Variants in BNC1 observed in about 807,000 individuals in gnomAD.
BNC1 encodes the protein basonuclin zinc finger protein 1, also known as zinc finger protein basonuclin-1.
A neutral mutation model predicts 66.5 loss-of-function variants in BNC1; 8 were observed. That is an observed-to-expected ratio of 0.12 (90% CI 0.07 to 0.22). The LOEUF (loss-of-function observed/expected upper bound fraction) is 0.22, where lower values mean the gene tolerates loss of function less well. BNC1 is among the 10% of genes least tolerant of loss of function. The pLI is 1.00. For synonymous variants in BNC1, 454 were observed against 452.6 expected (o/e 1.00, Z -0.04); for missense variants, 1,069 against 1,241.3 (o/e 0.86, Z 2.09).
At chr15:83,261,507 A>G (rs919740438) in intron 4 of BNC1, among the ~76,000 whole-genome samples, 4 of 152,236 alleles carry the variant, frequency 2.6e-5, no homozygotes, top group African/African-American at 9.6e-5. Context: ...TTTAACATTT[A>G]TCATATTCCA....
At position 83,263,461 on chromosome 15, in the gene BNC1, C is replaced by A; in HGVS notation, c.1790G>T (p.Gly597Val). Residue 597 changes from glycine to valine, a missense_variant, in exon 4 of 5, where the codon GGC becomes GTC. Physicochemically the swap from Gly to Val is moderately radical, Grantham distance 109. Coordinates refer to ENST00000345382, the MANE Select transcript of BNC1 (RefSeq NM_001717.4). ...VSEEQHVQSG[G>V]LGKPFPEGER... Reference sequence around the variant, plus strand: ...CCCTTCAGGGAAAGGCTTCCCTAAGCCTCCTGACTGTACATGCTGCTCCTC... The same window carrying A: ...CCCTTCAGGGAAAGGCTTCCCTAAGACTCCTGACTGTACATGCTGCTCCTC... 6.2e-7 allele frequency: 1 copy of A among 1,614,228 alleles called. No individual in the cohort carries two copies. Among genetic ancestry groups the A allele is most frequent in the Non-Finnish European group, 8.5e-7 (1 of 1,180,034 alleles).
Position 83,264,820 on chromosome 15 carries a change from A to G in BNC1, c.436-5T>C, listed in dbSNP as rs76169557. On this transcript the variant is annotated splice_region_variant and splice_polypyrimidine_tract_variant and intron_variant, in intron 3 of 4. Coordinates refer to ENST00000345382, the MANE Select transcript of BNC1 (RefSeq NM_001717.4). ...CAACACCTTTCCTGATGCATCCTAA[A>G]CCCAAACCAGATGTTAGAAGTGTGA... 0.014 allele frequency: 22,721 copies of G among 1,609,894 alleles called. 1,189 individuals are homozygous for G. The highest frequency in any genetic ancestry group is 0.13 in the African/African-American group (9,650 of 74,816).
At chr15:83,265,869 C>A (rs1483535176) in intron 3 of BNC1, among the ~76,000 whole-genome samples, 2 of 152,080 alleles carry the variant, frequency 1.3e-5, no homozygotes, top group African/African-American at 2.4e-5. Flanking sequence ...TCTAGGTCTA[C>A]AAAATTGTTT....
At chr15:83,268,747 G>A (rs1468396776) in intron 1 of BNC1, among the ~76,000 whole-genome samples, 1 of 152,164 alleles carries the variant, frequency 6.6e-6, no homozygotes, top group Non-Finnish European at 1.5e-5. Context: ...CTACACTGAG[G>A]ATGATTCCCT....
At chr15:83,265,880 T>C (rs987401026) in intron 3 of BNC1, among the ~76,000 whole-genome samples, 66 of 152,170 alleles carry the variant, frequency 4.3e-4, no homozygotes, top group African/African-American at 1.5e-3. Context: ...AAAATTGTTT[T>C]TAGTGTTCAT....
rs1361216699 is a variant in BNC1 at position 83,284,472 on chromosome 15, C to T, written c.99+58G>A. ...CGGGAGCCGGAGCCCAGCGGCGTCC[C>T]GGGCCGCCTGCTCCGCGCACAGAGA... On this transcript the variant is annotated intron_variant, in intron 1 of 4. Transcript: ENST00000345382. 6 of 1,094,914 alleles carry T rather than the reference C, an allele frequency of 5.5e-6. No individual in the cohort carries two copies. In the East Asian group the frequency reaches 2.2e-4, roughly 40 times the overall value. The allele number at this position is 1,094,914 out of a possible 1,614,324, so 67.8% of individuals were successfully genotyped here.
intron 1 of BNC1, among the ~76,000 whole-genome samples, chr15:83,276,569 A>C (rs1257728260): frequency 4.6e-5 from 7 of 152,224 alleles, no homozygotes; most frequent in Non-Finnish European, 8.8e-5. Context: ...AGGTGACTTA[A>C]GTACTGACCA....
chr15:83,257,784 C>T lies in BNC1; in HGVS notation c.2643G>A (p.Glu881=). The T allele has an allele frequency of 1.2e-6, 2 of 1,614,142 alleles. No individual in the cohort carries two copies. Among genetic ancestry groups the T allele is most frequent in the South Asian group, 1.1e-5 (1 of 91,076 alleles). Reference sequence around the variant, plus strand: ...TGTCCTCCATAAGCACAGTGCCTTCCTCACTCACCCCGTCAGAGTCCCAGG... The same window carrying T: ...TGTCCTCCATAAGCACAGTGCCTTCTTCACTCACCCCGTCAGAGTCCCAGG... The part of the protein sequence containing the change: ...HSSWDSDGVS[E]EGTVLMEDSD... Residue 881 remains glutamate (E), a synonymous_variant, in exon 5 of 5, where the codon GAG becomes GAA. Coordinates refer to ENST00000345382, the MANE Select transcript of BNC1 (RefSeq NM_001717.4).
At chr15:83,262,912 C>T (rs1327863321) in intron 4 of BNC1, 39 bp downstream of exon 4, 1 of 1,542,874 alleles carries the variant, frequency 6.5e-7, no homozygotes, top group Admixed American at 2.0e-5. Context: ...CTTGAAGAGC[C>T]ACTGCCTTAG....
intron 4 of BNC1, among the ~76,000 whole-genome samples, chr15:83,258,550 T>C (rs2038108978): frequency 6.6e-6 from 1 of 152,160 alleles, no homozygotes; most frequent in Admixed American, 6.5e-5. Context: ...GTAGAAGTCA[T>C]CACATTCAAC....
At chr15:83,264,923 A>C in intron 3 of BNC1, 108 bp from the exon 4 acceptor site, 4 of 1,162,744 alleles carry the variant, frequency 3.4e-6, no homozygotes, top group Non-Finnish European at 3.6e-6. Flanking sequence ...ATATAGGAAA[A>C]AGATGAATGC....
Position 83,264,062 on chromosome 15 carries a change from T to C in BNC1, c.1189A>G (p.Ser397Gly), listed in dbSNP as rs763202839. ...CTIEGCNMVF[S>G]SLRSRNRHSA... ...TGGCGATTCCGGCTCCTTAGGGAGC[T>C]GAACACCATGTTACACCCTTCGATG... Residue 397 changes from serine (S) to glycine (G), a missense_variant, in exon 4 of 5, where the codon AGC becomes GGC. This residue lies in a region of BNC1 where 82 missense variants were observed against 136.3 expected (regional missense o/e 0.60). Transcript: ENST00000345382. The C allele has an allele frequency of 6.2e-7, 1 of 1,614,228 alleles. No homozygotes were observed. The highest frequency in any genetic ancestry group is 8.5e-7 in the Non-Finnish European group (1 of 1,180,044).
In BNC1 at chr15:83,258,092, A is replaced by G. The variant is rs2038101649; in HGVS notation, c.2335T>C (p.Leu779=). Residue 779 remains leucine (L), a synonymous_variant, in exon 5 of 5, where the codon TTG becomes CTG. Coordinates refer to ENST00000345382, the MANE Select transcript of BNC1 (RefSeq NM_001717.4). ...SSNLNLHQKA[L]SQEALESSED... is the part of the protein sequence containing the mutation. ...CTACTCTCCAATGCTTCCTGGCTCA[A>G]TGCTTTTTGGTGGAGGTTTAGGTTT... 2 of 1,604,048 alleles carry G rather than the reference A, an allele frequency of 1.2e-6. No individual in the cohort carries two copies. Among genetic ancestry groups the G allele is most frequent in the South Asian group, 1.1e-5 (1 of 90,900 alleles).
At chr15:83,277,046 T>C (rs1391657717) in intron 1 of BNC1, among the ~76,000 whole-genome samples, 1 of 152,178 alleles carries the variant, frequency 6.6e-6, no homozygotes, top group East Asian at 1.9e-4. Flanking sequence ...ACAAATCACT[T>C]TTTAACAGCC....
At position 83,284,637 on chromosome 15, in the gene BNC1, C is replaced by G. The variant is rs1045269617; in HGVS notation, c.-9G>C. 133 of 990,336 alleles carry G rather than the reference C, an allele frequency of 1.3e-4. 1 individual carries two copies. The African/African-American group carries it at 2.3e-3, about 17-fold the overall frequency. The allele number at this position is 990,336 out of a possible 1,614,324, so 61.3% of individuals were successfully genotyped here. A position where few individuals can be genotyped will look rare whatever the true frequency, so the allele number is the denominator to read the frequency against. ...GGCGGGCGCCGCCGCATCCACGCTC[C>G]GGCCGTCGGGGCGCGACCCGGCGAA... On this transcript the variant is annotated 5_prime_UTR_variant, in exon 1 of 5. Transcript: ENST00000345382.
Position 83,284,566 on chromosome 15 carries a change from C to T in BNC1, c.63G>A (p.Arg21=), listed in dbSNP as rs1171178738. 2 of 1,094,320 alleles carry T rather than the reference C, an allele frequency of 1.8e-6. No individual in the cohort carries two copies. The highest frequency in any genetic ancestry group is 1.1e-6 in the Non-Finnish European group (1 of 901,118). The allele number at this position is 1,094,320 out of a possible 1,614,324, so 67.8% of individuals were successfully genotyped here. Residue 21 remains arginine, a synonymous_variant, in exon 1 of 5, where the codon CGG becomes CGA. Transcript: ENST00000345382. Reference sequence around the variant, plus strand: ...TGCGACCGCTGCGGTGCCGGGGCTGCCGGCGCGTCTCCCGGGCCCGGGCCG... The same window carrying T: ...TGCGACCGCTGCGGTGCCGGGGCTGTCGGCGCGTCTCCCGGGCCCGGGCCG... The part of the protein sequence containing the change: ...RGAARARETR[R]QPRHRSGRRM...
At position 83,264,218 on chromosome 15, in the gene BNC1, G is replaced by C. The variant is rs1658030433; in HGVS notation, c.1033C>G (p.Pro345Ala). ...TQLSPEAKVKPERNSLGTKKG... is the reference protein window; with the variant it reads ...TQLSPEAKVKAERNSLGTKKG... The stretch of plus-strand genomic sequence containing the variant: ...TTTGTACCAAGGCTATTCCTCTCAG[G>C]CTTCACTTTGGCCTCAGGGGATAAC... Residue 345 changes from proline (P) to alanine (A), a missense_variant, in exon 4 of 5, where the codon CCT becomes GCT. By Grantham distance (27) the Pro-to-Ala change is conservative. Coordinates refer to ENST00000345382, the MANE Select transcript of BNC1 (RefSeq NM_001717.4). 2.5e-6 allele frequency: 4 copies of C among 1,614,160 alleles called. No individual in the cohort carries two copies. Among genetic ancestry groups the C allele is most frequent in the Non-Finnish European group, 2.5e-6 (3 of 1,180,038 alleles).
rs1273662732 is a variant in BNC1 at position 83,272,936 on chromosome 15, G to T, written c.100-4704C>A. On this transcript the variant is annotated intron_variant, in intron 1 of 4. Transcript: ENST00000345382. ...GATGCCAGTTACACCCTACCCTCCA[G>T]TTGTGACCACCAAAAATGTCTCCAG... Among the ~76,000 whole-genome samples, 7 of 152,088 alleles carry T rather than the reference G, an allele frequency of 4.6e-5. No homozygotes were observed. The East Asian group carries it at 1.3e-3, about 29-fold the overall frequency.
intron 1 of BNC1, among the ~76,000 whole-genome samples, chr15:83,272,034 C>A (rs2038274864): frequency 6.6e-6 from 1 of 152,210 alleles, no homozygotes; most frequent in Admixed American, 6.5e-5. Context: ...TCAAACTTGG[C>A]TGCAACCCTC....
Sources: gnomAD v4.1 joint callset for allele counts (sites outside exome capture counted in the v4.1 genomes callset) on GRCh38, gnomAD v4.1.1 for gene constraint, gnomAD v4.1.1 regional missense constraint, MANE v1.5 for transcripts, NCBI Gene and HGNC (gene_info 2026-07-23, HGNC 2026-07-21) for gene names.